The following CLYBL variants were observed in gnomAD, a reference collection of about 807,000 sequenced individuals.
CLYBL encodes the protein citramalyl-CoA lyase.
Under a neutral mutation model 38.9 loss-of-function variants are expected in CLYBL, and 31 were observed. That is an observed-to-expected ratio of 0.80 (90% CI 0.60 to 1.08). CLYBL has a LOEUF of 1.08. Ranked by LOEUF, CLYBL falls within the 50% of genes least tolerant of loss-of-function variation. The pLI, the probability that CLYBL is intolerant of heterozygous loss-of-function variation, is 0.00. For synonymous variants in CLYBL, 171 were observed against 158.6 expected, an observed-to-expected ratio of 1.08 and a Z score of -0.59; for missense variants, 434 against 411.6, an observed-to-expected ratio of 1.05 and a Z score of -0.47.
chr13:99,885,678 G>A (rs1024356804), intron 7 of CLYBL, among the ~76,000 whole-genome samples: 7 of 152,196 alleles, frequency 4.6e-5, no homozygotes, highest in African/African-American at 1.4e-4. Flanking sequence ...GCACCCAAAC[G>A]GACATCCTTA....
intron 2 of CLYBL, among the ~76,000 whole-genome samples, chr13:99,844,320 G>A (rs940861401): frequency 5.9e-5 from 9 of 152,210 alleles, no homozygotes; most frequent in Admixed American, 2.0e-4. Flanking sequence ...AATAAAATCT[G>A]TGCTGTCCAC....
intron 7 of CLYBL, chr13:99,877,760 G>A (rs2052088369): frequency 4.4e-6 from 1 of 224,854 alleles, no homozygotes; most frequent in Non-Finnish European, 8.9e-6. Flanking sequence ...TTTTAGTAGA[G>A]ACGGTGTTTC....
chr13:99,812,781 T>C (rs1224709015), intron 2 of CLYBL, among the ~76,000 whole-genome samples: 2 of 152,200 alleles, frequency 1.3e-5, no homozygotes. Flanking sequence ...ATGGAACTAC[T>C]CAGATCCTTG....
intron 1 of CLYBL, among the ~76,000 whole-genome samples, chr13:99,757,525 G>A (rs1232057296): frequency 2.0e-5 from 3 of 152,018 alleles, no homozygotes; most frequent in African/African-American, 7.2e-5. Flanking sequence ...GCATGATCTC[G>A]GCTCACTGCA....
At chr13:99,607,014 G>A (rs1245802267) in intron 1 of CLYBL, among the ~76,000 whole-genome samples, 2 of 152,176 alleles carry the variant, frequency 1.3e-5, no homozygotes, top group Non-Finnish European at 2.9e-5. Flanking sequence ...TCAGCCCCAG[G>A]AAACAAAACT....
At chr13:99,734,748 C>T (rs898397933) in intron 1 of CLYBL, among the ~76,000 whole-genome samples, 1 of 152,158 alleles carries the variant, frequency 6.6e-6, no homozygotes, top group South Asian at 2.1e-4. Context: ...CAGCCTTCTA[C>T]CTAAGAATGA....
chr13:99,684,148 A>G (rs529169593), intron 1 of CLYBL, among the ~76,000 whole-genome samples: 134 of 143,082 alleles, frequency 9.4e-4, no homozygotes, highest in African/African-American at 3.1e-3. Context: ...CCAAAGTGCT[A>G]TGATTACAGA....
rs78931646 is a variant in CLYBL at position 99,761,870 on chromosome 13, G to A, written c.63-10954G>A. Among the ~76,000 whole-genome samples, 65 of 152,210 alleles carry A rather than the reference G, an allele frequency of 4.3e-4. 1 individual carries two copies. In the East Asian group the frequency reaches 9.3e-3, roughly 22 times the overall value. On this transcript the variant is annotated intron_variant, in intron 1 of 8. Transcript: ENST00000339105. ...TTTGGATCAAAGCTGTTTCAACTGG[G>A]GTGAGATGATATCTTATTGTAGTTT...
chr13:99,679,451 A>G (rs906355145), intron 1 of CLYBL, among the ~76,000 whole-genome samples: 2 of 152,098 alleles, frequency 1.3e-5, no homozygotes, highest in Admixed American at 1.3e-4. Flanking sequence ...ACTCCTCTTT[A>G]ATGTGACCTT....
At chr13:99,776,022 G>T (rs1437576870) in intron 2 of CLYBL, among the ~76,000 whole-genome samples, 2 of 151,738 alleles carry the variant, frequency 1.3e-5, no homozygotes, top group Non-Finnish European at 2.9e-5. Context: ...AAATTAGCTG[G>T]GCGTGGTGGC....
chr13:99,856,733 G>A (rs751617258), intron 2 of CLYBL, among the ~76,000 whole-genome samples: 1 of 151,928 alleles, frequency 6.6e-6, no homozygotes, highest in Non-Finnish European at 1.5e-5. Flanking sequence ...CTACCTCCTG[G>A]GTTCAAACGA....
chr13:99,739,488 C>T (rs17473738), intron 1 of CLYBL, among the ~76,000 whole-genome samples: 265 of 152,246 alleles, frequency 1.7e-3, no homozygotes, highest in Middle Eastern at 3.4e-3. Flanking sequence ...TACGGGCCCA[C>T]GGAAAGCCTG....
At chr13:99,790,007 C>T (rs1367317294) in intron 2 of CLYBL, among the ~76,000 whole-genome samples, 5 of 152,064 alleles carry the variant, frequency 3.3e-5, no homozygotes, top group Non-Finnish European at 7.4e-5. Flanking sequence ...TTATCAAAGA[C>T]TAGGATTGCA....
At chr13:99,777,178 G>A (rs1048622295) in intron 2 of CLYBL, among the ~76,000 whole-genome samples, 6 of 151,864 alleles carry the variant, frequency 4.0e-5, no homozygotes, top group African/African-American at 7.2e-5. Flanking sequence ...CAGCCCCCAC[G>A]CCCAACCCAG....
intron 8 of CLYBL, among the ~76,000 whole-genome samples, chr13:99,902,966 C>T (rs1431923762): frequency 6.6e-6 from 1 of 152,192 alleles, no homozygotes. Flanking sequence ...GGCAGTGTTC[C>T]GTCTTTGACT....
At chr13:99,779,711 A>G (rs149193858) in intron 2 of CLYBL, among the ~76,000 whole-genome samples, 2 of 152,302 alleles carry the variant, frequency 1.3e-5, no homozygotes, top group African/African-American at 4.8e-5. Flanking sequence ...TCAGGGACTG[A>G]GACTGGGCCA....
At chr13:99,835,890 G>C (rs752165189) in intron 2 of CLYBL, among the ~76,000 whole-genome samples, 3 of 152,194 alleles carry the variant, frequency 2.0e-5, no homozygotes, top group Admixed American at 2.0e-4. Flanking sequence ...AGGGTAGGTG[G>C]TAGATTGGCA....
intron 8 of CLYBL, among the ~76,000 whole-genome samples, chr13:99,903,712 G>C (rs544029575): frequency 3.5e-4 from 54 of 152,142 alleles, no homozygotes; most frequent in Non-Finnish European, 3.2e-4. Context: ...TTCGCGTCCC[G>C]TATGAAGCAA....
chr13:99,871,455 T>G (rs73559354), intron 7 of CLYBL, among the ~76,000 whole-genome samples: 5 of 152,214 alleles, frequency 3.3e-5, no homozygotes, highest in Non-Finnish European at 7.4e-5. Context: ...AGGAAAGAAA[T>G]AAATTGCAAG....
Sources: gnomAD v4.1 joint callset for allele counts (sites outside exome capture counted in the v4.1 genomes callset) on GRCh38, gnomAD v4.1.1 for gene constraint, MANE v1.5 for transcripts, NCBI Gene and HGNC (gene_info 2026-07-23, HGNC 2026-07-21) for gene names.